Variants in GADL1 observed in about 807,000 individuals in gnomAD.
GADL1 encodes the protein GAD like acidic amino acid decarboxylase 1, also known as acidic amino acid decarboxylase GADL1.
GADL1 carries 71 observed loss-of-function variants against 69.5 expected under a neutral mutation model. The observed-to-expected ratio is 1.02, with a 90% CI of 0.84 to 1.25. The LOEUF (loss-of-function observed/expected upper bound fraction) is 1.25, where lower values mean the gene tolerates loss of function less well. Ranked by LOEUF, GADL1 falls within the 50% of genes most tolerant of loss-of-function variation. The pLI, the probability that GADL1 is intolerant of heterozygous loss-of-function variation, is 0.00. For missense variants in GADL1, 737 were observed against 631.8 expected (o/e 1.17, Z -1.79); for synonymous variants, 254 against 214.4 (o/e 1.18, Z -1.62).
At chr3:30,884,668 G>T (rs1023957189) in intron 1 of GADL1, among the ~76,000 whole-genome samples, 1 of 151,932 alleles carries the variant, frequency 6.6e-6, no homozygotes, top group Non-Finnish European at 1.5e-5. Context: ...AAAAGTCAAA[G>T]GTGTCCCTTC....
chr3:30,730,855 ATG>A lies in GADL1; in HGVS notation c.1393-2442_1393-2441del, dbSNP rs140958328. Reference sequence around the variant, plus strand: ...TATAAATGGGTCTGCGTGCATAAGCATGTGTGTGTGTGTGTGCCTGTGCATAT... The same window carrying A: ...TATAAATGGGTCTGCGTGCATAAGCATGTGTGTGTGTGTGCCTGTGCATAT... On this transcript the variant is annotated intron_variant, in intron 14 of 14. Coordinates refer to ENST00000282538, the MANE Select transcript of GADL1 (RefSeq NM_207359.3). Among the ~76,000 whole-genome samples, 38 of 151,306 alleles carry A rather than the reference ATG, an allele frequency of 2.5e-4. No individual in the cohort carries two copies. The East Asian group carries it at 4.9e-3, about 19-fold the overall frequency.
rs144251378 is a variant in GADL1, at chr3:30,883,709, T to C, written c.37+10869A>G. On this transcript the variant is annotated intron_variant, in intron 1 of 14. Transcript: ENST00000282538. ...GCCATTTGGGTTTTGATAAAGATTG[T>C]GTTAAATCTGTATATTGCTCTGGGT... 8.8e-3 allele frequency among the ~76,000 whole-genome samples: 1,337 copies of C among 152,114 alleles called. 22 individuals carry two copies. The highest frequency in any genetic ancestry group is 0.031 in the African/African-American group (1,268 of 41,528).
intron 1 of GADL1, among the ~76,000 whole-genome samples, chr3:30,863,027 T>TCTCACACACACACA (rs1553603176): frequency 6.0e-4 from 66 of 110,216 alleles, no homozygotes; most frequent in African/African-American, 1.7e-3. Context: ...CATGTCTGTT[T>TCTCACACACACACA]CACACACACA....
rs193137562 is a variant in GADL1 at position 30,726,977 on chromosome 3, A to G, written c.*1265T>C. Reference sequence around the variant, plus strand: ...GACATTTCAAAGCTTAGGAAAGGGAATGTTGTACAACCCTGGACTTCATTG... The same window carrying G: ...GACATTTCAAAGCTTAGGAAAGGGAGTGTTGTACAACCCTGGACTTCATTG... On this transcript the variant is annotated 3_prime_UTR_variant, in exon 15 of 15. Coordinates refer to ENST00000282538, the MANE Select transcript of GADL1 (RefSeq NM_207359.3). The G allele has an allele frequency of 1.2e-3, 181 of 152,556 alleles. 1 individual carries two copies. The highest frequency in any genetic ancestry group is 4.3e-3 in the African/African-American group (179 of 41,532). The allele number at this position is 152,556 out of a possible 1,614,324, so 9.5% of individuals were successfully genotyped here. A position where few individuals can be genotyped will look rare whatever the true frequency, so the allele number is the denominator to read the frequency against.
At chr3:30,826,464 C>G (rs1193417816) in intron 11 of GADL1, among the ~76,000 whole-genome samples, 2 of 151,796 alleles carry the variant, frequency 1.3e-5, no homozygotes, top group Non-Finnish European at 2.9e-5. Context: ...GGGTTCTGCA[C>G]AAATAGGCAG....
At chr3:30,866,089 T>C (rs1001302403) in intron 1 of GADL1, among the ~76,000 whole-genome samples, 7 of 152,060 alleles carry the variant, frequency 4.6e-5, no homozygotes, top group African/African-American at 1.4e-4. Flanking sequence ...GATAATGCCT[T>C]AAAACAGTGT....
intron 12 of GADL1, chr3:30,797,672 T>TG: frequency 6.8e-6 from 1 of 148,148 alleles, no homozygotes; most frequent in Non-Finnish European, 1.5e-5. Flanking sequence ...TTGTTTTTGT[T>TG]TTTTTTTTGT....
chr3:30,757,474 T>C (rs774812492), intron 14 of GADL1, among the ~76,000 whole-genome samples: 12 of 152,254 alleles, frequency 7.9e-5, no homozygotes, highest in Non-Finnish European at 1.6e-4. Context: ...GTTAGTCTCT[T>C]TATGAGCAGG....
chr3:30,871,139 A>T (rs1034056114), intron 1 of GADL1, among the ~76,000 whole-genome samples: 2 of 150,856 alleles, frequency 1.3e-5, no homozygotes, highest in Non-Finnish European at 2.9e-5. Flanking sequence ...TGAGGGAAGG[A>T]GCTTTTGAGA....
intron 1 of GADL1, among the ~76,000 whole-genome samples, chr3:30,868,908 A>G (rs1698442873): frequency 6.6e-6 from 1 of 151,870 alleles, no homozygotes; most frequent in African/African-American, 2.4e-5. Context: ...AGCTCTTCAG[A>G]AAGTTAGTGC....
intron 14 of GADL1, among the ~76,000 whole-genome samples, chr3:30,768,546 A>AGAGGGGGAGAGAGAAGGGGTGGG (rs1696340333): frequency 8.2e-6 from 1 of 121,546 alleles, no homozygotes; most frequent in Non-Finnish European, 1.8e-5. Flanking sequence ...GAGAAGGAGA[A>AGAGGGGGAGAGAGAAGGGGTGGG]GAGGGGGAGA....
intron 14 of GADL1, among the ~76,000 whole-genome samples, chr3:30,766,916 A>G (rs934750791): frequency 1.3e-5 from 2 of 152,190 alleles, no homozygotes; most frequent in Admixed American, 1.3e-4. Flanking sequence ...GTGTTAAGGT[A>G]TTTTGTTAAG....
intron 13 of GADL1, among the ~76,000 whole-genome samples, chr3:30,779,961 G>A (rs1264776505): frequency 6.6e-6 from 1 of 152,100 alleles, no homozygotes. Context: ...CAGAATCTGT[G>A]GTTCATTTCA....
chr3:30,886,000 TAA>T (rs775968719), intron 1 of GADL1, among the ~76,000 whole-genome samples: 33 of 151,994 alleles, frequency 2.2e-4, no homozygotes, highest in Non-Finnish European at 4.6e-4. Context: ...AGAAAATTAA[TAA>T]AGAGATCAAA....
chr3:30,771,671 C>A (rs1162199455), intron 14 of GADL1, among the ~76,000 whole-genome samples: 1 of 152,158 alleles, frequency 6.6e-6, no homozygotes, highest in Admixed American at 6.5e-5. Flanking sequence ...CATCTTTGAA[C>A]ATTTTTTAAA....
At chr3:30,757,055 T>TTG (rs938537669) in intron 14 of GADL1, among the ~76,000 whole-genome samples, 2 of 152,174 alleles carry the variant, frequency 1.3e-5, no homozygotes, top group African/African-American at 4.8e-5. Context: ...TTCCAGGGTG[T>TTG]TGGTGGTAGT....
At chr3:30,734,724 T>C (rs1334785242) in intron 14 of GADL1, among the ~76,000 whole-genome samples, 2 of 152,204 alleles carry the variant, frequency 1.3e-5, no homozygotes, top group African/African-American at 4.8e-5. Flanking sequence ...CTTTTCTTTG[T>C]ATTTCCAAAT....
At chr3:30,880,935 C>T (rs546859703) in intron 1 of GADL1, among the ~76,000 whole-genome samples, 15 of 152,042 alleles carry the variant, frequency 9.9e-5, no homozygotes, top group Admixed American at 5.2e-4. Flanking sequence ...TGGCCACCCC[C>T]TTTTCAGCTG....
Position 30,800,938 on chromosome 3 carries a change from C to A in GADL1, c.1201G>T (p.Gly401Cys), listed in dbSNP as rs762111432. 1.2e-6 allele frequency: 2 copies of A among 1,612,204 alleles called. No individual in the cohort carries two copies. The highest frequency in any genetic ancestry group is 1.7e-6 in the Non-Finnish European group (2 of 1,179,662). The stretch of plus-strand genomic sequence containing the variant: ...ACTCTTTCTTCAAGGCCTAATGTAC[C>A]CAGGGCCTTCCAGGTCATCCAGAAC... The part of the protein sequence containing the change: ...FKFWMTWKAL[G>C]TLGLEERVNR... The change falls in exon 12 of 15, where the codon GGT (glycine) becomes TGT (cysteine). Residue 401 changes from glycine to cysteine, a missense_variant. Transcript: ENST00000282538.
Sources: allele counts gnomAD v4.1 joint callset (sites outside exome capture counted in the v4.1 genomes callset), GRCh38; gene constraint gnomAD v4.1.1; transcripts MANE v1.5; gene names NCBI Gene and HGNC (gene_info 2026-07-23, HGNC 2026-07-21).